Variants in CP observed in about 807,000 individuals in gnomAD.
CP encodes the protein caeruloplasmin.
Under a neutral mutation model 122.4 loss-of-function variants are expected in CP, and 64 were observed. The observed-to-expected ratio is 0.52, with a 90% CI of 0.43 to 0.64. The LOEUF is 0.64. Ranked by LOEUF, CP falls within the 30% of genes least tolerant of loss-of-function variation. The pLI, the probability that CP is intolerant of heterozygous loss-of-function variation, is 0.00. For synonymous variants in CP, 440 were observed against 436.4 expected (o/e 1.01, Z -0.10); for missense variants, 1,167 against 1,284.4 (o/e 0.91, Z 1.40).
At position 149,197,188 on chromosome 3, in the gene CP, C is replaced by T. The variant is rs530506369; in HGVS notation, c.1713+1179G>A. Reference sequence around the variant, plus strand: ...TCTTTTCGGACTCAGCCCGCCTGCACCCGGGTGAAATAAACAGCCATGTTG... The same window carrying T: ...TCTTTTCGGACTCAGCCCGCCTGCATCCGGGTGAAATAAACAGCCATGTTG... On this transcript the variant is annotated intron_variant, in intron 9 of 18. Transcript: ENST00000264613. 5.3e-5 allele frequency among the ~76,000 whole-genome samples: 8 copies of T among 152,290 alleles called. No homozygotes were observed. In the South Asian group the frequency reaches 1.2e-3, roughly 24 times the overall value.
intron 6 of CP, among the ~76,000 whole-genome samples, chr3:149,203,514 T>A (rs981767225): frequency 2.6e-5 from 4 of 152,188 alleles, no homozygotes; most frequent in Non-Finnish European, 5.9e-5. Flanking sequence ...TCCACCCGCT[T>A]TGGCCTCCCA....
rs1336139503 is a variant in CP at position 149,206,465 on chromosome 3, TA to T, written c.1037-127del. On this transcript the variant is annotated intron_variant, in intron 5 of 18. Transcript: ENST00000264613. ...GAATAGACAGATAGCAACAGTACTA[TA>T]AACTAGGGCAGACAGCTGTAAATAA... is the stretch of plus-strand genomic sequence containing the variant. 4 of 1,063,994 alleles carry T rather than the reference TA, an allele frequency of 3.8e-6. No homozygotes were observed. In the African/African-American group the frequency reaches 6.3e-5, roughly 17 times the overall value. 65.9% of individuals were successfully genotyped at this position (1,063,994 alleles called of 1,614,324 possible).
At chr3:149,204,458 C>T (rs1727564688) in intron 6 of CP, among the ~76,000 whole-genome samples, 2 of 152,160 alleles carry the variant, frequency 1.3e-5, no homozygotes, top group South Asian at 4.1e-4. Flanking sequence ...TGAATAGCCT[C>T]ATCCATGTGG....
intron 6 of CP, among the ~76,000 whole-genome samples, chr3:149,205,265 G>A (rs1346772581): frequency 6.6e-6 from 1 of 150,650 alleles, no homozygotes; most frequent in African/African-American, 2.4e-5. Context: ...CATTGCTGAT[G>A]AGCCTGTAAA....
At chr3:149,221,591 AT>A (rs1235190710) in intron 1 of CP, 55 bp downstream of exon 1, 2 of 1,532,428 alleles carry the variant, frequency 1.3e-6, no homozygotes, top group African/African-American at 2.8e-5. Flanking sequence ...TATTGGCTCT[AT>A]CCTTTAAAAA....
At chr3:149,178,174 G>T (rs1725543005) in intron 16 of CP, among the ~76,000 whole-genome samples, 195 bp from the exon 17 acceptor site, 1 of 152,128 alleles carries the variant, frequency 6.6e-6, no homozygotes, top group Non-Finnish European at 1.5e-5. Context: ...TGCACCAAAA[G>T]CCTTAATCTT....
chr3:149,181,954 G>C (rs1258417956), intron 14 of CP, 51 bp downstream of exon 14: 1 of 1,577,346 alleles, frequency 6.3e-7, no homozygotes, highest in Non-Finnish European at 8.7e-7. Context: ...CTGTGGAAAG[G>C]CTGTACAGCC....
In CP at chr3:149,212,598, T is replaced by A. The variant is rs745957417; in HGVS notation, c.247A>T (p.Thr83Ser). 7.4e-6 allele frequency: 12 copies of A among 1,614,070 alleles called. No individual in the cohort carries two copies. Among genetic ancestry groups the A allele is most frequent in the Non-Finnish European group, 1.0e-5 (12 of 1,179,990 alleles). ...CCAAGCCAGACCGGTTTTTCTATAG[T>A]TGTCCTAAAGGTTTCATCTGTGTAC... is the stretch of plus-strand genomic sequence containing the variant. Reference protein sequence around the residue: ...LQYTDETFRTTIEKPVWLGFL... With the variant: ...LQYTDETFRTSIEKPVWLGFL... The change falls in exon 2 of 19, where the codon ACT becomes TCT. Residue 83 changes from threonine (T) to serine (S), a missense_variant. By Grantham distance (58) the Thr-to-Ser change is moderately conservative. Around this residue, in one of 2 missense-constraint regions of CP, gnomAD observed 642 missense variants for 627.3 expected, o/e 1.02. Coordinates refer to ENST00000264613, the MANE Select transcript of CP (RefSeq NM_000096.4).
intron 1 of CP, among the ~76,000 whole-genome samples, chr3:149,212,925 C>T (rs1045068697): frequency 1.2e-4 from 18 of 152,064 alleles, no homozygotes; most frequent in African/African-American, 3.6e-4. Context: ...GAACCATCTG[C>T]GAAGGCATCA....
rs1727037930 is a variant in CP, at chr3:149,198,353, C to T, written c.1713+14G>A. 2 of 1,602,946 alleles carry T rather than the reference C, an allele frequency of 1.2e-6. No individual in the cohort carries two copies. The highest frequency in any genetic ancestry group is 1.7e-6 in the Non-Finnish European group (2 of 1,173,052). On this transcript the variant is annotated intron_variant, in intron 9 of 18. Transcript: ENST00000264613. ...AAGAGATTGAACAATTTTTTTTTCC[C>T]CAGTTGGACTTACCTGTCTCCCATT...
chr3:149,164,511 G>C (rs796506572), intron 5 of CP, among the ~76,000 whole-genome samples: 4 of 152,288 alleles, frequency 2.6e-5, no homozygotes, highest in African/African-American at 9.6e-5. Flanking sequence ...CATTTGACTT[G>C]GTGGATCAGG....
chr3:149,181,401 C>T (rs1725766464), intron 14 of CP, among the ~76,000 whole-genome samples: 1 of 152,116 alleles, frequency 6.6e-6, no homozygotes, highest in Non-Finnish European at 1.5e-5. Context: ...CCTGACCTCT[C>T]TACCTAAAAT....
chr3:149,185,236 T>A lies in CP; in HGVS notation c.2285+3A>T. On this transcript the variant is annotated splice_donor_region_variant and intron_variant, in intron 12 of 18. Transcript: ENST00000264613. ...AATTGGGAATCAGAGTCTGGAGAAT[T>A]ACTTCTGCTCTTGTAAATGATGCAG... The A allele has an allele frequency of 6.2e-7, 1 of 1,612,120 alleles. No homozygotes were observed.
intron 10 of CP, among the ~76,000 whole-genome samples, chr3:149,186,941 T>C (rs985321597): frequency 1.3e-5 from 2 of 152,246 alleles, no homozygotes; most frequent in African/African-American, 2.4e-5. Context: ...CAGAGCTGAA[T>C]GCATAGTTCT....
intron 7 of CP, among the ~76,000 whole-genome samples, chr3:149,201,149 A>T (rs1165455417): frequency 1.3e-5 from 2 of 152,076 alleles, no homozygotes; most frequent in African/African-American, 4.8e-5. Context: ...TTTGAGACGG[A>T]GTCTCGCTCT....
intron 12 of CP, 144 bp downstream of exon 12, chr3:149,185,094 GA>G: frequency 1.4e-6 from 1 of 731,278 alleles, no homozygotes; most frequent in Non-Finnish European, 2.3e-6. Context: ...AAGTTCCTAG[GA>G]AGTGTTTTGT....
At chr3:149,162,935 A>G (rs568174758) in intron 5 of CP, 23 of 1,347,442 alleles carry the variant, frequency 1.7e-5, no homozygotes, top group South Asian at 1.3e-4. Flanking sequence ...TTACAAAAAC[A>G]TACCTTATTT....
intron 14 of CP, 56 bp from the exon 15 acceptor site, chr3:149,179,718 A>G: frequency 2.6e-6 from 2 of 771,044 alleles, no homozygotes. Flanking sequence ...TTGTACACAC[A>G]CACACACACA....
intron 9 of CP, among the ~76,000 whole-genome samples, chr3:149,188,684 A>C (rs2108246062): frequency 6.6e-6 from 1 of 152,230 alleles, no homozygotes; most frequent in East Asian, 1.9e-4. Flanking sequence ...ACAGAGATTC[A>C]AACAATCTCC....
Sources: gnomAD v4.1 joint callset for allele counts (sites outside exome capture counted in the v4.1 genomes callset) on GRCh38, gnomAD v4.1.1 for gene constraint, gnomAD v4.1.1 regional missense constraint, MANE v1.5 for transcripts, NCBI Gene and HGNC (gene_info 2026-07-23, HGNC 2026-07-21) for gene names.